LDB1: variants seen among roughly 807,000 people sequenced by gnomAD.
LDB1 encodes the protein LIM domain binding 1.
Under a neutral mutation model 49.7 loss-of-function variants are expected in LDB1, and 6 were observed. The observed-to-expected ratio is 0.12, with a 90% CI of 0.07 to 0.24. The LOEUF (loss-of-function observed/expected upper bound fraction) is 0.24. Ranked by LOEUF, LDB1 falls within the 10% of genes least tolerant of loss-of-function variation. LDB1 has a pLI of 1.00. For missense variants in LDB1, 341 were observed against 561.7 expected (o/e 0.61, Z 3.97); for synonymous variants, 233 against 202.0 (o/e 1.15, Z -1.30).
rs2068348794 is a variant in LDB1 at position 102,117,475 on chromosome 10, G to A, written c.25+2611C>T. On this transcript the variant is annotated intron_variant, in intron 1 of 10. Coordinates refer to ENST00000673968, the MANE Select transcript of LDB1 (RefSeq NM_001113407.3). The surrounding 1 kb of genome is among the most constrained non-coding windows in gnomAD (Gnocchi z 4.2). The stretch of plus-strand genomic sequence containing the variant: ...GATGAGGGAAAGTACTCCTCCTGGA[G>A]GTGGGGACTCAAAGGACAGCAGCCA... Among the ~76,000 whole-genome samples the A allele has an allele frequency of 6.6e-6, 1 of 152,158 alleles. No individual in the cohort carries two copies. The highest frequency in any genetic ancestry group is 2.1e-4 in the South Asian group (1 of 4,828).
chr10:102,114,891 C>T (rs1406251637), intron 1 of LDB1: 1 of 973,370 alleles, frequency 1.0e-6, no homozygotes, highest in African/African-American at 1.8e-5. Context: ...CACACTCACT[C>T]ACACTCGCAC....
rs910889412 is a variant in LDB1, at chr10:102,117,720, T to G, written c.25+2366A>C. On this transcript the variant is annotated intron_variant, in intron 1 of 10. Coordinates refer to ENST00000673968, the MANE Select transcript of LDB1 (RefSeq NM_001113407.3). This position sits in a 1 kb window ranked among gnomAD's most constrained non-coding sequence, Gnocchi z 4.2. ...CCTGCCTTAACCCTTCTGAGCCACA[T>G]GCTGCCCCAGACAGGCCCTGGCCCC... 6.6e-6 allele frequency among the ~76,000 whole-genome samples: 1 copy of G among 152,178 alleles called. No homozygotes were observed. Among genetic ancestry groups the G allele is most frequent in the Non-Finnish European group, 1.5e-5 (1 of 68,028 alleles).
At chr10:102,114,262 T>TA (rs1564915156) in intron 1 of LDB1, 4 of 866,124 alleles carry the variant, frequency 4.6e-6, no homozygotes. Context: ...CTCCTCCCTT[T>TA]AGGGACTGGC....
chr10:102,121,242 C>G (rs1416215687), upstream of LDB1, among the ~76,000 whole-genome samples: 1 of 152,112 alleles, frequency 6.6e-6, no homozygotes, highest in Non-Finnish European at 1.5e-5. Context: ...AAGACACTCT[C>G]TTCCCTTCCC....
At chr10:102,114,614 G>C in intron 1 of LDB1, 1 of 985,378 alleles carries the variant, frequency 1.0e-6, no homozygotes, top group Non-Finnish European at 1.2e-6. Context: ...CGCTGTCCCG[G>C]GGGAAAGTTA....
At chr10:102,114,616 G>A (rs1590287518) in intron 1 of LDB1, 1 of 985,342 alleles carries the variant, frequency 1.0e-6, no homozygotes, top group Non-Finnish European at 1.2e-6. Context: ...CTGTCCCGGG[G>A]GAAAGTTACA....
In LDB1 at chr10:102,109,038, G is replaced by A. The variant is rs1297157206; in HGVS notation, c.996C>T (p.Ser332=). ...KSPASTFALS[S]QVPDVMVVGE... ...AAGCCGAGATGCTTACAGGTACCTG[G>A]CTGGAGAGGGCGAAGGTGCTAGCTG... is the stretch of plus-strand genomic sequence containing the variant. Residue 332 remains serine (S), a synonymous_variant, in exon 10 of 11, where the codon AGC becomes AGT. Coordinates refer to ENST00000673968, the MANE Select transcript of LDB1 (RefSeq NM_001113407.3). The surrounding 1 kb of genome is among the most constrained non-coding windows in gnomAD (Gnocchi z 5.8). The A allele has an allele frequency of 6.2e-7, 1 of 1,614,250 alleles. No homozygotes were observed. The highest frequency in any genetic ancestry group is 1.3e-5 in the African/African-American group (1 of 75,064).
In LDB1 at chr10:102,111,276, T is replaced by C; in HGVS notation, c.153A>G (p.Thr51=). The C allele has an allele frequency of 1.2e-6, 2 of 1,614,166 alleles. No individual in the cohort carries two copies. Among genetic ancestry groups the C allele is most frequent in the South Asian group, 2.2e-5 (2 of 91,086 alleles). ...CTTACCCAATCCCTGGCTCCAGGTA[T>C]GTAGGCGGATACATGGGAGTTGGGC... ...DVGPTPMYPP[T]YLEPGIGRHT... is the part of the protein sequence containing the mutation. The change falls in exon 3 of 11, where the codon ACA becomes ACG. Residue 51 remains threonine (T), a synonymous_variant. Coordinates refer to ENST00000673968, the MANE Select transcript of LDB1 (RefSeq NM_001113407.3).
chr10:102,114,100 C>T (rs2068296638), intron 1 of LDB1, among the ~76,000 whole-genome samples: 1 of 152,226 alleles, frequency 6.6e-6, no homozygotes, highest in Non-Finnish European at 1.5e-5. Flanking sequence ...TAGCCCCCCT[C>T]CCACCTCTAG....
chr10:102,116,964 G>A (rs1377440633), intron 1 of LDB1, among the ~76,000 whole-genome samples: 1 of 147,612 alleles, frequency 6.8e-6, no homozygotes, highest in East Asian at 2.1e-4. Flanking sequence ...TATCCTAACA[G>A]TGAGATCCTA....
At chr10:102,119,563 T>C (rs1225124338) in intron 1 of LDB1, among the ~76,000 whole-genome samples, 1 of 151,958 alleles carries the variant, frequency 6.6e-6, no homozygotes, top group Non-Finnish European at 1.5e-5. Context: ...AGGGCCAACC[T>C]TCCCTGGCAA....
intron 1 of LDB1, among the ~76,000 whole-genome samples, chr10:102,112,963 T>C (rs1432497869): frequency 3.3e-5 from 5 of 152,082 alleles, no homozygotes; most frequent in African/African-American, 7.2e-5. Flanking sequence ...TCTCACCAGA[T>C]AGGAGGGGAA....
downstream of LDB1, among the ~76,000 whole-genome samples, chr10:102,103,790 G>A (rs545980439): frequency 1.2e-4 from 19 of 152,072 alleles, no homozygotes; most frequent in South Asian, 1.2e-3. Flanking sequence ...CTCCAGCCTC[G>A]TCGACAGAAC....
chr10:102,121,303 A>T (rs981982310), upstream of LDB1, among the ~76,000 whole-genome samples: 5 of 151,196 alleles, frequency 3.3e-5, no homozygotes, highest in Non-Finnish European at 7.4e-5. Flanking sequence ...GCCCAACCCC[A>T]CCGCCTCCGA....
At chr10:102,114,109 A>C (rs1353297744) in intron 1 of LDB1, among the ~76,000 whole-genome samples, 1 of 152,200 alleles carries the variant, frequency 6.6e-6, no homozygotes, top group Non-Finnish European at 1.5e-5. Context: ...TCCCACCTCT[A>C]GCAAATTGGA....
rs778517611 is a variant in LDB1 at position 102,109,780 on chromosome 10, A to G, written c.649-97T>C. The G allele has an allele frequency of 1.9e-6, 3 of 1,541,544 alleles. No homozygotes were observed. Among genetic ancestry groups the G allele is most frequent in the Non-Finnish European group, 2.7e-6 (3 of 1,117,754 alleles). On this transcript the variant is annotated intron_variant, in intron 7 of 10. Coordinates refer to ENST00000673968, the MANE Select transcript of LDB1 (RefSeq NM_001113407.3). This position sits in a 1 kb window ranked among gnomAD's most constrained non-coding sequence, Gnocchi z 5.8. ...AGCATTGTGACACTCCTGAGAGAGG[A>G]TAGTCTCTTATTAAACCTGCTGTTC...
rs542663344 is a variant in LDB1, at chr10:102,119,746, A to AG, written c.25+339dup. Among the ~76,000 whole-genome samples the AG allele has an allele frequency of 8.1e-3, 867 of 106,882 alleles. 5 individuals carry two copies. The highest frequency in any genetic ancestry group is 0.014 in the Middle Eastern group (3 of 214). 70.1% of individuals were successfully genotyped at this position (106,882 alleles called of 152,430 possible). On this transcript the variant is annotated intron_variant, in intron 1 of 10. Transcript: ENST00000673968. ...CCAATCACAACTCTATGGTGACCTG[A>AG]GGGGGGGGGTCAAAAGTCCAGAGTC...
chr10:102,111,823 C>T (rs1034400061), intron 1 of LDB1, among the ~76,000 whole-genome samples: 2 of 152,118 alleles, frequency 1.3e-5, no homozygotes, highest in African/African-American at 2.4e-5. Context: ...TGCACTCCAG[C>T]CTGGACAACA....
chr10:102,105,832 C>A (rs1309953235), downstream of LDB1, among the ~76,000 whole-genome samples: 3 of 151,490 alleles, frequency 2.0e-5, no homozygotes, highest in Non-Finnish European at 4.4e-5. Flanking sequence ...CAAAAATTAG[C>A]CAGGCATAGT....
Sources: gnomAD v4.1 joint callset for allele counts (sites outside exome capture counted in the v4.1 genomes callset) on GRCh38, gnomAD v4.1.1 for gene constraint, Gnocchi (gnomAD v3.1) non-coding constraint, MANE v1.5 for transcripts, NCBI Gene and HGNC (gene_info 2026-07-23, HGNC 2026-07-21) for gene names.